Variants in ALS2 observed in about 807,000 individuals in gnomAD.
ALS2 encodes the protein alsin.
A neutral mutation model predicts 203.4 loss-of-function variants in ALS2; 117 were observed. That is an observed-to-expected ratio of 0.58 (90% CI 0.50 to 0.67). The LOEUF is 0.67. Among genes scored for constraint, ALS2 ranks in the 30% least tolerant of loss-of-function variants. The pLI is 0.00. For synonymous variants in ALS2, 718 were observed against 725.9 expected (o/e 0.99, Z 0.17); for missense variants, 1,715 against 1,989.4 (o/e 0.86, Z 2.62).
chr2:201,717,162 C>G (rs1227986076), intron 24 of ALS2, among the ~76,000 whole-genome samples: 3 of 151,872 alleles, frequency 2.0e-5, no homozygotes, highest in Non-Finnish European at 4.4e-5. Flanking sequence ...TGTACAGATT[C>G]CATTTAAGAA....
chr2:201,718,815 T>A (rs1177113362), intron 23 of ALS2, among the ~76,000 whole-genome samples: 1 of 152,118 alleles, frequency 6.6e-6, no homozygotes, highest in Admixed American at 6.5e-5. Context: ...CAAGCAGTGC[T>A]TAGAGGGAAA....
rs556027390 is a variant in ALS2 at position 201,724,345 on chromosome 2, C to G, written c.3462G>C (p.Gln1154His). The change falls in exon 21 of 34, where the codon CAG (glutamine) becomes CAC (histidine). Residue 1154 changes from glutamine (Q) to histidine (H), a missense_variant. Transcript: ENST00000264276. ...TSSSPSMFIG[Q>H]WVMDKKAGYG... is the part of the protein sequence containing the mutation. ...ATCCTGCTTTCTTATCCATTACCCA[C>G]TGGCCAATGAACATACTAGGAGAAG... The G allele has an allele frequency of 1.2e-6, 2 of 1,614,004 alleles. No homozygotes were observed. The highest frequency in any genetic ancestry group is 1.7e-6 in the Non-Finnish European group (2 of 1,179,888).
At chr2:201,767,975 G>C (rs1694189572) in intron 2 of ALS2, among the ~76,000 whole-genome samples, 1 of 151,864 alleles carries the variant, frequency 6.6e-6, no homozygotes, top group African/African-American at 2.4e-5. Context: ...TTTAGCATTT[G>C]GTAGCATAAA....
At chr2:201,716,273 G>A (rs184151549) in intron 24 of ALS2, among the ~76,000 whole-genome samples, 284 of 152,174 alleles carry the variant, frequency 1.9e-3, no homozygotes, top group South Asian at 3.5e-3. Context: ...GCTGGGCATG[G>A]TGGCTCACGC....
At chr2:201,711,343 C>T (rs772614628) in intron 25 of ALS2, among the ~76,000 whole-genome samples, 1 of 152,160 alleles carries the variant, frequency 6.6e-6, no homozygotes, top group South Asian at 2.1e-4. Context: ...GAAGATTCTA[C>T]AATAAAGATT....
chr2:201,701,956 T>A (rs1161191095), intron 33 of ALS2, 67 bp from the exon 34 acceptor site: 18 of 1,427,986 alleles, frequency 1.3e-5, no homozygotes, highest in Non-Finnish European at 1.7e-5. Context: ...GAGCAATGCA[T>A]ATGGGACTAA....
At chr2:201,727,548 T>C (rs572949190) in intron 16 of ALS2, among the ~76,000 whole-genome samples, 157 bp downstream of exon 16, 1 of 152,234 alleles carries the variant, frequency 6.6e-6, no homozygotes, top group South Asian at 2.1e-4. Flanking sequence ...TTATTATCAA[T>C]AGACTACTTT....
intron 29 of ALS2, among the ~76,000 whole-genome samples, chr2:201,706,206 CA>C (rs888048127): frequency 3.0e-4 from 46 of 151,686 alleles, no homozygotes; most frequent in African/African-American, 1.1e-3. Flanking sequence ...GCCAACATGG[CA>C]AAACTCCATC....
Position 201,704,561 on chromosome 2 carries a change from C to G in ALS2, c.4731G>C (p.Gln1577His). Reference sequence around the variant, plus strand: ...CACTCTGAGAGATCTCCTCAAAAGTCTGCTGGATGACCTTAAGTTTGTCTG... The same window carrying G: ...CACTCTGAGAGATCTCCTCAAAAGTGTGCTGGATGACCTTAAGTTTGTCTG... ...TPSDKLKVIQ[Q>H]TFEEISQSVL... The change falls in exon 32 of 34, where the codon CAG becomes CAC. Residue 1577 changes from glutamine (Q) to histidine (H), a missense_variant. Coordinates refer to ENST00000264276, the MANE Select transcript of ALS2 (RefSeq NM_020919.4). 1 of 1,614,138 alleles carries G rather than the reference C, an allele frequency of 6.2e-7. No individual in the cohort carries two copies. The highest frequency in any genetic ancestry group is 8.5e-7 in the Non-Finnish European group (1 of 1,180,008).
rs554678534 is a variant in ALS2 at position 201,721,513 on chromosome 2, G to T, written c.3702+1530C>A. On this transcript the variant is annotated intron_variant, in intron 23 of 33. Transcript: ENST00000264276. ...AGACCAGAAATAAACACATTTTCTGGTCAACAAAGGTGCCAAGATTCAATG... is the reference window on the plus strand; with the variant it reads ...AGACCAGAAATAAACACATTTTCTGTTCAACAAAGGTGCCAAGATTCAATG... Among the ~76,000 whole-genome samples the T allele has an allele frequency of 7.9e-5, 12 of 152,222 alleles. 1 individual carries two copies. The highest frequency in any genetic ancestry group is 7.9e-4 in the Admixed American group (12 of 15,284).
At chr2:201,720,429 A>AT (rs2105991981) in intron 23 of ALS2, among the ~76,000 whole-genome samples, 1 of 150,842 alleles carries the variant, frequency 6.6e-6, no homozygotes, top group African/African-American at 2.4e-5. Context: ...TCAGCCAAGC[A>AT]TGGTGGCTCA....
chr2:201,758,744 A>ATGTGTGTGTG (rs1388439701), intron 4 of ALS2, among the ~76,000 whole-genome samples: 1 of 99,904 alleles, frequency 1.0e-5, no homozygotes, highest in Non-Finnish European at 2.1e-5. Flanking sequence ...TACAAATATA[A>ATGTGTGTGTG]TGTGTGTGTG....
intron 2 of ALS2, 103 bp downstream of exon 2, chr2:201,768,763 C>T: frequency 8.6e-7 from 1 of 1,164,262 alleles, no homozygotes; most frequent in Non-Finnish European, 1.3e-6. Flanking sequence ...TCCCACTTAA[C>T]AACCATCAAC....
chr2:201,716,380 C>T (rs901306426), intron 24 of ALS2, among the ~76,000 whole-genome samples: 48 of 152,060 alleles, frequency 3.2e-4, no homozygotes, highest in African/African-American at 1.2e-3. Context: ...CCCATCTCTA[C>T]TAAAAATACA....
intron 23 of ALS2, among the ~76,000 whole-genome samples, chr2:201,719,580 T>G (rs1690631045): frequency 1.3e-5 from 2 of 151,328 alleles, no homozygotes; most frequent in Admixed American, 6.6e-5. Context: ...CAGACAAGAC[T>G]CCGTCTCGAA....
At chr2:201,727,869 C>G (rs1691292977) in intron 15 of ALS2, 94 bp from the exon 16 acceptor site, 1 of 1,180,778 alleles carries the variant, frequency 8.5e-7, no homozygotes, top group South Asian at 1.3e-5. Context: ...CCCACATGGG[C>G]CTTGCAGTCT....
intron 13 of ALS2, among the ~76,000 whole-genome samples, chr2:201,732,399 C>CAAAAA (rs11288102): frequency 2.3e-5 from 2 of 85,150 alleles, no homozygotes; most frequent in African/African-American, 4.2e-5. Flanking sequence ...ACTAAAAATA[C>CAAAAA]AAAAAAAAAA....
intron 10 of ALS2, 54 bp from the exon 11 acceptor site, chr2:201,741,908 A>G: frequency 6.9e-7 from 1 of 1,440,112 alleles, no homozygotes; most frequent in South Asian, 1.2e-5. Context: ...CGATCACTTT[A>G]TTATGATGTG....
chr2:201,714,395 C>A (rs1212754620), intron 25 of ALS2, among the ~76,000 whole-genome samples: 2 of 152,180 alleles, frequency 1.3e-5, no homozygotes, highest in African/African-American at 4.8e-5. Context: ...ACATGAGACA[C>A]GTGTCGCTGC....
Sources: gnomAD v4.1 joint callset for allele counts (sites outside exome capture counted in the v4.1 genomes callset) on GRCh38, gnomAD v4.1.1 for gene constraint, MANE v1.5 for transcripts, NCBI Gene and HGNC (gene_info 2026-07-23, HGNC 2026-07-21) for gene names.